Variants in PCDHGB3 observed in about 807,000 individuals in gnomAD.
The protein encoded by PCDHGB3 is protocadherin gamma subfamily B, 3.
A neutral mutation model predicts 59.2 loss-of-function variants in PCDHGB3; 40 were observed. The ratio of observed to expected loss-of-function variants is 0.68; its 90% CI spans 0.52 to 0.88. The LOEUF (loss-of-function observed/expected upper bound fraction) is 0.88, where lower values mean the gene tolerates loss of function less well. Ranked by LOEUF, PCDHGB3 falls within the 40% of genes least tolerant of loss-of-function variation. The pLI is 0.00. For missense variants in PCDHGB3, 1,309 were observed against 1,187.9 expected (o/e 1.10, Z -1.50); for synonymous variants, 581 against 503.6 (o/e 1.15, Z -2.06).
rs756971733 is a variant in PCDHGB3 at position 141,375,686 on chromosome 5, A to G, written c.2415+2877A>G. On this transcript the variant is annotated intron_variant, in intron 1 of 3. Coordinates refer to ENST00000576222, the MANE Select transcript of PCDHGB3 (RefSeq NM_018924.5). Reference sequence around the variant, plus strand: ...AGACCTACAGCTGTGGGTGACAGCCAGCGACAGCGGGGACCCGCCTCTTAG... The same window carrying G: ...AGACCTACAGCTGTGGGTGACAGCCGGCGACAGCGGGGACCCGCCTCTTAG... 1.9e-6 allele frequency: 3 copies of G among 1,614,122 alleles called. No individual in the cohort carries two copies. Among genetic ancestry groups the G allele is most frequent in the East Asian group, 2.2e-5 (1 of 44,894 alleles).
chr5:141,399,682 G>A (rs778817737), intron 1 of PCDHGB3: 14 of 1,613,512 alleles, frequency 8.7e-6, no homozygotes, highest in Non-Finnish European at 1.2e-5. Flanking sequence ...CTTTGACTAC[G>A]AGCAGCTGCG....
intron 1 of PCDHGB3, chr5:141,375,207 ACT>A: frequency 3.7e-6 from 6 of 1,613,896 alleles, no homozygotes; most frequent in Non-Finnish European, 5.1e-6. Flanking sequence ...TTCGATCGAG[ACT>A]CTGGCCTGAA....
intron 1 of PCDHGB3, chr5:141,404,926 C>CA (rs765817542): frequency 1.2e-6 from 2 of 1,613,884 alleles, no homozygotes; most frequent in Non-Finnish European, 1.7e-6. Context: ...CGGCCACTGT[C>CA]ACGCTCACAG....
chr5:141,409,613 A>G lies in PCDHGB3; in HGVS notation c.2415+36804A>G, dbSNP rs370495173. On this transcript the variant is annotated intron_variant, in intron 1 of 3. Coordinates refer to ENST00000576222, the MANE Select transcript of PCDHGB3 (RefSeq NM_018924.5). Reference sequence around the variant, plus strand: ...CGAGAACAACCCGCCAGGAGCCTCCATTGCGCAAGTGAGCGCCTCTGACCC... The same window carrying G: ...CGAGAACAACCCGCCAGGAGCCTCCGTTGCGCAAGTGAGCGCCTCTGACCC... The G allele has an allele frequency of 8.4e-5, 136 of 1,613,856 alleles. No individual in the cohort carries two copies. Among genetic ancestry groups the G allele is most frequent in the Middle Eastern group, 8.2e-4 (5 of 6,062 alleles).
In PCDHGB3 at chr5:141,376,236, G is replaced by T. The variant is rs202155785; in HGVS notation, c.2415+3427G>T. ...GTGCTGCTGGCGCTCAGACTGCAGCGCTGGCACAAGTCACGCCTGCTGCAG... is the reference window on the plus strand; with the variant it reads ...GTGCTGCTGGCGCTCAGACTGCAGCTCTGGCACAAGTCACGCCTGCTGCAG... On this transcript the variant is annotated intron_variant, in intron 1 of 3. Coordinates refer to ENST00000576222, the MANE Select transcript of PCDHGB3 (RefSeq NM_018924.5). The T allele has an allele frequency of 2.8e-3, 4,477 of 1,614,208 alleles. 145 individuals carry two copies. In the South Asian group the frequency reaches 0.046, roughly 17 times the overall value.
At chr5:141,505,567 T>A in intron 3 of PCDHGB3, 86 bp downstream of exon 3, 2 of 1,599,440 alleles carry the variant, frequency 1.3e-6, no homozygotes, top group Non-Finnish European at 1.7e-6. Context: ...ACGGACTGGA[T>A]GTCAAACCTG....
intron 1 of PCDHGB3, chr5:141,398,388 C>G: frequency 6.9e-7 from 1 of 1,454,974 alleles, no homozygotes; most frequent in African/African-American, 1.4e-5. Flanking sequence ...TGCTTGTGAG[C>G]AGCAGGCTAG....
intron 1 of PCDHGB3, among the ~76,000 whole-genome samples, chr5:141,467,051 T>G (rs988417775): frequency 6.6e-6 from 1 of 151,462 alleles, no homozygotes; most frequent in Non-Finnish European, 1.5e-5. Context: ...TGAATCAATG[T>G]TTTCTTTTTT....
intron 1 of PCDHGB3, chr5:141,399,765 G>A: frequency 6.2e-7 from 1 of 1,613,356 alleles, no homozygotes; most frequent in African/African-American, 1.3e-5. Flanking sequence ...GCCTGCGCGT[G>A]TTGGTGGGCG....
At chr5:141,380,632 T>C (rs546554559) in intron 1 of PCDHGB3, among the ~76,000 whole-genome samples, 5 of 152,324 alleles carry the variant, frequency 3.3e-5, no homozygotes, top group Non-Finnish European at 7.3e-5. Flanking sequence ...ACTTAGAAAA[T>C]GTGAATGCTA....
intron 1 of PCDHGB3, among the ~76,000 whole-genome samples, chr5:141,443,466 A>G (rs1402303157): frequency 6.6e-6 from 1 of 152,184 alleles, no homozygotes; most frequent in East Asian, 1.9e-4. Flanking sequence ...AGTCTGGGTG[A>G]CAGAATTAGA....
At chr5:141,446,143 T>G (rs2098490523) in intron 1 of PCDHGB3, among the ~76,000 whole-genome samples, 1 of 152,204 alleles carries the variant, frequency 6.6e-6, no homozygotes, top group Admixed American at 6.5e-5. Flanking sequence ...AATAATGGAA[T>G]AGGTGGAATA....
chr5:141,450,615 T>C (rs2098687601), intron 1 of PCDHGB3, among the ~76,000 whole-genome samples: 1 of 151,340 alleles, frequency 6.6e-6, no homozygotes, highest in African/African-American at 2.4e-5. Flanking sequence ...GCCTCCTGAG[T>C]AGCTGGGATT....
chr5:141,419,939 G>C, intron 1 of PCDHGB3: 6 of 1,614,054 alleles, frequency 3.7e-6, no homozygotes, highest in Admixed American at 1.7e-5. Flanking sequence ...TTACCTGGTG[G>C]TGGCCTTGGC....
chr5:141,423,777 T>A, intron 1 of PCDHGB3: 1 of 1,159,844 alleles, frequency 8.6e-7, no homozygotes, highest in Non-Finnish European at 1.1e-6. Flanking sequence ...GGCATATATT[T>A]AGTTCATATA....
chr5:141,438,721 G>A (rs886300746), intron 1 of PCDHGB3, among the ~76,000 whole-genome samples: 30 of 148,304 alleles, frequency 2.0e-4, no homozygotes, highest in Non-Finnish European at 7.4e-5. Flanking sequence ...AGTGCAAGTG[G>A]TGTGATCTCA....
intron 1 of PCDHGB3, among the ~76,000 whole-genome samples, chr5:141,458,436 C>T (rs2098945707): frequency 6.6e-6 from 1 of 152,056 alleles, no homozygotes; most frequent in Non-Finnish European, 1.5e-5. Context: ...AAGAGGAGGT[C>T]CCCCACATTA....
intron 1 of PCDHGB3, 33 bp from the exon 2 acceptor site, chr5:141,494,774 T>C (rs1462930792): frequency 6.2e-7 from 1 of 1,613,860 alleles, no homozygotes; most frequent in African/African-American, 1.3e-5. Flanking sequence ...TTCTCACGGG[T>C]ACTCAGCCCC....
intron 1 of PCDHGB3, among the ~76,000 whole-genome samples, chr5:141,463,839 T>C (rs1356261890): frequency 1.3e-5 from 2 of 152,240 alleles, no homozygotes; most frequent in African/African-American, 4.8e-5. Flanking sequence ...TTCCCAGTTG[T>C]TATAGTGGTA....
Sources: gnomAD v4.1 joint callset for allele counts (sites outside exome capture counted in the v4.1 genomes callset) on GRCh38, gnomAD v4.1.1 for gene constraint, MANE v1.5 for transcripts, NCBI Gene and HGNC (gene_info 2026-07-23, HGNC 2026-07-21) for gene names.